CPS1: variants seen among roughly 807,000 people sequenced by gnomAD.
CPS1 encodes carbamoyl-phosphate synthase [ammonia], mitochondrial.
CPS1 carries 109 observed loss-of-function variants against 174.6 expected under a neutral mutation model. The ratio of observed to expected loss-of-function variants is 0.62; its 90% confidence interval spans 0.53 to 0.73. The LOEUF is 0.73. CPS1 is among the 30% of genes least tolerant of loss of function. The pLI is 0.00. For synonymous variants in CPS1, 637 were observed against 632.0 expected, an observed-to-expected ratio of 1.01 and a Z score of -0.12; for missense variants, 1,689 against 1,821.9, an observed-to-expected ratio of 0.93 and a Z score of 1.33.
At chr2:210,510,565 A>T (rs140236285) in intron 1 of CPS1, among the ~76,000 whole-genome samples, 4 of 152,230 alleles carry the variant, frequency 2.6e-5, no homozygotes, top group Non-Finnish European at 5.9e-5. Context: ...GCTTCTGCAC[A>T]GCAAAAGAAA....
At chr2:210,582,319 G>A (rs547266581) in intron 5 of CPS1, among the ~76,000 whole-genome samples, 9 of 152,018 alleles carry the variant, frequency 5.9e-5, no homozygotes, top group Admixed American at 2.6e-4. Flanking sequence ...TAAATATCCC[G>A]ATTTGCATCA....
rs66825517 is a variant in CPS1 at position 210,491,307 on chromosome 2, G to GTTTTTTTT, written c.3+13565_3+13572dup. ...GTAAAAGCATGTATTTGGTATCTGT[G>GTTTTTTTT]TTTTTTTTTTTTTTTTTTTTTTTTT... On this transcript the variant is annotated intron_variant, in intron 1 of 38. Transcript: ENST00000430249. Among the ~76,000 whole-genome samples the GTTTTTTTT allele has an allele frequency of 9.7e-4, 49 of 50,352 alleles. 10 individuals are homozygous for GTTTTTTTT. Among genetic ancestry groups the GTTTTTTTT allele is most frequent in the African/African-American group, 4.4e-3 (44 of 9,980 alleles). The allele number at this position is 50,352 out of a possible 152,430, so 33.0% of individuals were successfully genotyped here.
chr2:210,487,989 T>TA (rs1287391860), intron 1 of CPS1, among the ~76,000 whole-genome samples: 2 of 152,056 alleles, frequency 1.3e-5, no homozygotes, highest in African/African-American at 2.4e-5. Flanking sequence ...CTAGTTCTTT[T>TA]AAAAAAAGGG....
intron 1 of CPS1, among the ~76,000 whole-genome samples, chr2:210,513,279 A>C (rs1695580961): frequency 6.6e-6 from 1 of 151,338 alleles, no homozygotes; most frequent in African/African-American, 2.4e-5. Flanking sequence ...TAGCTGAGCT[A>C]ATTTACATTC....
At chr2:210,605,014 G>A in intron 16 of CPS1, 88 bp from the exon 17 acceptor site, 3 of 1,460,046 alleles carry the variant, frequency 2.1e-6, no homozygotes, top group South Asian at 2.3e-5. Context: ...GTGCTGACCA[G>A]GATTTATGCC....
intron 1 of CPS1, among the ~76,000 whole-genome samples, chr2:210,567,089 A>C (rs1163518100): frequency 6.6e-6 from 1 of 152,194 alleles, no homozygotes; most frequent in Admixed American, 6.5e-5. Context: ...GTAATGGCAG[A>C]AGGTAGAAAT....
intron 1 of CPS1, among the ~76,000 whole-genome samples, chr2:210,536,114 T>C (rs997900101): frequency 6.6e-6 from 1 of 152,150 alleles, no homozygotes; most frequent in African/African-American, 2.4e-5. Context: ...TTCAGACTTA[T>C]CATACATGTA....
At chr2:210,495,813 G>A (rs928347070) in intron 1 of CPS1, among the ~76,000 whole-genome samples, 17 of 152,002 alleles carry the variant, frequency 1.1e-4, no homozygotes, top group African/African-American at 3.6e-4. Context: ...ATTTGTCACC[G>A]AGCATAGAAT....
intron 25 of CPS1, among the ~76,000 whole-genome samples, chr2:210,646,107 T>C (rs1179972053): frequency 6.6e-6 from 1 of 152,210 alleles, no homozygotes; most frequent in African/African-American, 2.4e-5. Flanking sequence ...TTAGTCTAAT[T>C]GACTCAAACT....
chr2:210,517,713 T>C (rs879285128), intron 1 of CPS1, among the ~76,000 whole-genome samples: 1 of 151,986 alleles, frequency 6.6e-6, no homozygotes, highest in Non-Finnish European at 1.5e-5. Flanking sequence ...TTTTTGTATC[T>C]GAATAATCAC....
chr2:210,660,784 C>A (rs371266066), intron 32 of CPS1, 129 bp downstream of exon 32: 2 of 927,070 alleles, frequency 2.2e-6, no homozygotes, highest in African/African-American at 3.3e-5. Flanking sequence ...TTTACATTTC[C>A]TTTCAATAAT....
chr2:210,491,326 T>G (rs1276942186), intron 1 of CPS1, among the ~76,000 whole-genome samples: 3 of 132,950 alleles, frequency 2.3e-5, no homozygotes, highest in Admixed American at 7.6e-5. Flanking sequence ...TTTTTTTTTT[T>G]TTTTTTTTTT....
chr2:210,646,036 A>G (rs1350627202), intron 25 of CPS1, among the ~76,000 whole-genome samples: 1 of 152,192 alleles, frequency 6.6e-6, no homozygotes. Context: ...AATTTAATAC[A>G]GCTAAGTTGA....
intron 24 of CPS1, among the ~76,000 whole-genome samples, chr2:210,640,339 G>A (rs1487718043): frequency 6.6e-6 from 1 of 152,090 alleles, no homozygotes; most frequent in African/African-American, 2.4e-5. Flanking sequence ...GCCTTTCACT[G>A]GAGTTGGGAA....
intron 1 of CPS1, among the ~76,000 whole-genome samples, chr2:210,503,914 G>T (rs1047087657): frequency 4.6e-5 from 7 of 152,182 alleles, no homozygotes; most frequent in South Asian, 2.1e-4. Context: ...ACAATAATAG[G>T]GTGTGCTTCT....
At chr2:210,585,263 A>G (rs1158257968) in intron 6 of CPS1, among the ~76,000 whole-genome samples, 1 of 152,030 alleles carries the variant, frequency 6.6e-6, no homozygotes, top group Non-Finnish European at 1.5e-5. Context: ...AATGGTAGTT[A>G]CAGTTGGTGG....
intron 21 of CPS1, among the ~76,000 whole-genome samples, chr2:210,626,404 A>T (rs1402351345): frequency 6.6e-6 from 1 of 152,148 alleles, no homozygotes; most frequent in East Asian, 1.9e-4. Flanking sequence ...AAAGGGATTG[A>T]ATTCACAAAA....
intron 1 of CPS1, among the ~76,000 whole-genome samples, chr2:210,494,974 A>G (rs934255464): frequency 6.6e-6 from 1 of 152,186 alleles, no homozygotes; most frequent in Non-Finnish European, 1.5e-5. Flanking sequence ...TCTAAAACAT[A>G]CCAATTAAAT....
intron 1 of CPS1, among the ~76,000 whole-genome samples, chr2:210,536,395 A>G (rs1326723128): frequency 1.4e-5 from 2 of 143,266 alleles, no homozygotes; most frequent in African/African-American, 2.7e-5. Context: ...ATCTCGGCTC[A>G]CTGCAAGCTC....
Sources: allele counts gnomAD v4.1 joint callset (sites outside exome capture counted in the v4.1 genomes callset), GRCh38; gene constraint gnomAD v4.1.1; transcripts MANE v1.5; gene names NCBI Gene and HGNC (gene_info 2026-07-23, HGNC 2026-07-21).